PCDHA5: variants seen among roughly 807,000 people sequenced by gnomAD.
PCDHA5 encodes the protein protocadherin alpha-5.
Under a neutral mutation model 61.6 loss-of-function variants are expected in PCDHA5, and 43 were observed. That is an observed-to-expected ratio of 0.70 (90% CI 0.55 to 0.90). The LOEUF is 0.90. PCDHA5 is among the 40% of genes least tolerant of loss of function. The pLI is 0.00. For missense variants in PCDHA5, 1,298 were observed against 1,222.7 expected (o/e 1.06, Z -0.92); for synonymous variants, 627 against 543.9 (o/e 1.15, Z -2.13).
Position 140,966,702 on chromosome 5 carries a change from G to A in PCDHA5, c.2353-12247G>A, listed in dbSNP as rs2153748522. On this transcript the variant is annotated intron_variant, in intron 1 of 3. Transcript: ENST00000529859. Reference sequence around the variant, plus strand: ...ACGAGCGGAGGCGGGGCCCGGGCGTGGGGCACGGCTGGGGAAGCTGCCGCC... The same window carrying A: ...ACGAGCGGAGGCGGGGCCCGGGCGTAGGGCACGGCTGGGGAAGCTGCCGCC... 3.7e-6 allele frequency: 5 copies of A among 1,367,880 alleles called. No homozygotes were observed. The South Asian group carries it at 6.9e-5, about 19-fold the overall frequency. 84.7% of individuals were successfully genotyped at this position (1,367,880 alleles called of 1,614,324 possible).
intron 1 of PCDHA5, chr5:140,877,781 T>C: frequency 6.2e-7 from 1 of 1,614,178 alleles, no homozygotes; most frequent in South Asian, 1.1e-5. Flanking sequence ...ACGGACCTCA[T>C]GGCCTTCAGC....
chr5:140,859,571 G>C (rs2045916086), intron 1 of PCDHA5: 1 of 174,150 alleles, frequency 5.7e-6, no homozygotes, highest in Non-Finnish European at 1.2e-5. Context: ...CCATGAATTT[G>C]TCATCTTGCC....
intron 1 of PCDHA5, among the ~76,000 whole-genome samples, chr5:140,954,899 T>C (rs2095107956): frequency 6.6e-6 from 1 of 152,196 alleles, no homozygotes; most frequent in South Asian, 2.1e-4. Flanking sequence ...GTTTTTATAG[T>C]TTCATACTTT....
At chr5:140,966,683 G>A (rs1357691419) in intron 1 of PCDHA5, 1 of 1,331,590 alleles carries the variant, frequency 7.5e-7, no homozygotes. Flanking sequence ...TGGCACGAGC[G>A]GAGGCGGGGC....
At chr5:140,841,429 C>G (rs2150315333) in intron 1 of PCDHA5, 3 of 1,612,842 alleles carry the variant, frequency 1.9e-6, no homozygotes, top group South Asian at 1.1e-5. Flanking sequence ...ACTCCGTCCC[C>G]GAGGAGGCCA....
chr5:140,918,429 G>A (rs2078693094), intron 1 of PCDHA5, among the ~76,000 whole-genome samples: 1 of 152,164 alleles, frequency 6.6e-6, no homozygotes, highest in Non-Finnish European at 1.5e-5. Flanking sequence ...GTAGGATGTT[G>A]AATAGGAGTG....
chr5:140,885,819 A>G (rs1488283542), intron 1 of PCDHA5, among the ~76,000 whole-genome samples: 1 of 152,032 alleles, frequency 6.6e-6, no homozygotes, highest in Non-Finnish European at 1.5e-5. Flanking sequence ...TTTGTATTTG[A>G]TCTTCTTTGA....
chr5:140,930,377 T>C (rs1480359985), intron 1 of PCDHA5: 1 of 152,198 alleles, frequency 6.6e-6, no homozygotes, highest in Non-Finnish European at 1.5e-5. Flanking sequence ...TAGTGGCCCT[T>C]GGCATTTCAA....
intron 1 of PCDHA5, chr5:140,877,033 C>A: frequency 6.2e-7 from 1 of 1,612,480 alleles, no homozygotes; most frequent in East Asian, 2.2e-5. Flanking sequence ...GTACGCGCTG[C>A]AGCCGCTAGA....
chr5:140,858,325 G>A, intron 1 of PCDHA5: 1 of 1,596,768 alleles, frequency 6.3e-7, no homozygotes, highest in Non-Finnish European at 8.6e-7. Context: ...TGTGTTCTGG[G>A]GAGGGCCTGC....
chr5:140,822,417 T>G lies in PCDHA5; in HGVS notation c.642T>G (p.Thr214=), dbSNP rs17844289. Residue 214 remains threonine (T), a synonymous_variant, in exon 1 of 4, where the codon ACT becomes ACG. Transcript: ENST00000529859. ...TQEHRLLVIA[T]DGGKPELTGT... is the part of the protein sequence containing the mutation. Reference sequence around the variant, plus strand: ...AACACCGTTTATTAGTGATTGCAACTGATGGAGGAAAACCCGAACTAACAG... The same window carrying G: ...AACACCGTTTATTAGTGATTGCAACGGATGGAGGAAAACCCGAACTAACAG... 216 of 1,614,062 alleles carry G rather than the reference T, an allele frequency of 1.3e-4. 3 individuals carry two copies. The East Asian group carries it at 4.7e-3, about 35-fold the overall frequency.
chr5:141,001,488 ATGCTAGCCCAGGT>A (rs1261759985), intron 3 of PCDHA5, among the ~76,000 whole-genome samples: 3 of 152,210 alleles, frequency 2.0e-5, no homozygotes, highest in Non-Finnish European at 4.4e-5. Flanking sequence ...AGTGCTGGAA[ATGCTAGCCCAGGT>A]GGGCTTAGCT....
At position 140,987,235 on chromosome 5, in the gene PCDHA5, T is replaced by G. The variant is rs189203030; in HGVS notation, c.2500+4672T>G. Among the ~76,000 whole-genome samples, 565 of 151,370 alleles carry G rather than the reference T, an allele frequency of 3.7e-3. 4 individuals are homozygous for G. The highest frequency in any genetic ancestry group is 0.013 in the African/African-American group (539 of 41,236). On this transcript the variant is annotated intron_variant, in intron 3 of 3. Transcript: ENST00000529859. Reference sequence around the variant, plus strand: ...TCTCAAAAAAAAAAAAAATAATAAATAAAGAAAGAAAGACATTCTCAGGAA... The same window carrying G: ...TCTCAAAAAAAAAAAAAATAATAAAGAAAGAAAGAAAGACATTCTCAGGAA...
At chr5:140,857,653 C>A (rs1466552947) in intron 1 of PCDHA5, 6 of 1,596,508 alleles carry the variant, frequency 3.8e-6, no homozygotes, top group Non-Finnish European at 5.1e-6. Flanking sequence ...TCCAGGTGAG[C>A]GCGCGCGATG....
rs202125503 is a variant in PCDHA5 at position 140,834,460 on chromosome 5, C to A, written c.2352+10333C>A. 5.3e-5 allele frequency: 84 copies of A among 1,589,840 alleles called. No homozygotes were observed. Among genetic ancestry groups the A allele is most frequent in the Middle Eastern group, 1.7e-4 (1 of 5,902 alleles). On this transcript the variant is annotated intron_variant, in intron 1 of 3. Transcript: ENST00000529859. ...ATTATAATTCTAGCAGCTTGGGAGG[C>A]AGGGAGAGGCCAGCTCCACTACTCG... is the stretch of plus-strand genomic sequence containing the variant.
At chr5:140,862,241 T>C (rs1554155946) in intron 1 of PCDHA5, 3 of 213,712 alleles carry the variant, frequency 1.4e-5, no homozygotes, top group Non-Finnish European at 2.8e-5. Flanking sequence ...ACATCAATGA[T>C]AGTGTTCCAG....
chr5:140,872,802 A>T (rs533671542), intron 1 of PCDHA5, among the ~76,000 whole-genome samples: 128 of 152,330 alleles, frequency 8.4e-4, no homozygotes, highest in Admixed American at 2.4e-3. Flanking sequence ...GCATTCTTCC[A>T]TAAGTTTTTC....
intron 1 of PCDHA5, chr5:140,848,611 C>A (rs2150414621): frequency 6.3e-7 from 1 of 1,593,572 alleles, no homozygotes; most frequent in African/African-American, 1.3e-5. Flanking sequence ...CCGGAGGAAG[C>A]CGAACACGGC....
intron 1 of PCDHA5, chr5:140,842,742 T>C: frequency 6.3e-7 from 1 of 1,594,970 alleles, no homozygotes; most frequent in Non-Finnish European, 8.6e-7. Context: ...GGCTGCCACA[T>C]CTTCACGGTG....
Sources: gnomAD v4.1 joint callset for allele counts (sites outside exome capture counted in the v4.1 genomes callset) on GRCh38, gnomAD v4.1.1 for gene constraint, MANE v1.5 for transcripts, NCBI Gene and HGNC (gene_info 2026-07-23, HGNC 2026-07-21) for gene names.